Variants in NLGN1 observed in about 807,000 individuals in gnomAD.
NLGN1 encodes the protein neuroligin-1.
In NLGN1, 12 loss-of-function variants were observed where a neutral mutation model predicts 65.5. The ratio of observed to expected loss-of-function variants is 0.18; its 90% CI spans 0.12 to 0.30. The LOEUF (loss-of-function observed/expected upper bound fraction) is 0.30. NLGN1 is among the 10% of genes least tolerant of loss of function. The pLI is 1.00. For synonymous variants in NLGN1, 350 were observed against 359.5 expected (o/e 0.97, Z 0.30); for missense variants, 750 against 1,007.1 (o/e 0.74, Z 3.46).
chr3:174,040,821 CATT>C (rs1274966475), intron 4 of NLGN1, among the ~76,000 whole-genome samples: 1 of 152,022 alleles, frequency 6.6e-6, no homozygotes, highest in Non-Finnish European at 1.5e-5. Context: ...TAGATTCTAT[CATT>C]AACATTTTAT....
intron 4 of NLGN1, among the ~76,000 whole-genome samples, chr3:174,116,034 A>G (rs1055998249): frequency 5.3e-5 from 8 of 152,196 alleles, no homozygotes; most frequent in African/African-American, 1.9e-4. Flanking sequence ...GAGAATATTA[A>G]AACACTGGGA....
chr3:174,114,040 C>T (rs1288420356), intron 4 of NLGN1, among the ~76,000 whole-genome samples: 1 of 152,092 alleles, frequency 6.6e-6, no homozygotes, highest in African/African-American at 2.4e-5. Context: ...ACTTTATTTT[C>T]CCCTCCTTTA....
intron 4 of NLGN1, among the ~76,000 whole-genome samples, chr3:174,191,498 GGAGATCA>G (rs1732385586): frequency 6.6e-6 from 1 of 152,122 alleles, no homozygotes; most frequent in African/African-American, 2.4e-5. Context: ...GTCTCTTAAC[GGAGATCA>G]AAGAATGAAG....
intron 3 of NLGN1, among the ~76,000 whole-genome samples, chr3:173,740,819 C>T (rs945742824): frequency 3.3e-5 from 5 of 151,884 alleles, no homozygotes; most frequent in Middle Eastern, 3.2e-3. Flanking sequence ...AAATTGTTCT[C>T]GAAAACTAGA....
At chr3:173,717,530 TAGGTTAAA>T (rs1314901905) in intron 3 of NLGN1, among the ~76,000 whole-genome samples, 1 of 152,172 alleles carries the variant, frequency 6.6e-6, no homozygotes, top group African/African-American at 2.4e-5. Flanking sequence ...CCTGTGCTTG[TAGGTTAAA>T]AGTAGAGCAA....
At chr3:173,602,648 G>T (rs965083546) in intron 2 of NLGN1, among the ~76,000 whole-genome samples, 2 of 152,034 alleles carry the variant, frequency 1.3e-5, no homozygotes, top group Admixed American at 6.6e-5. Context: ...TTTGGAAATT[G>T]CTGTAGAGTA....
intron 3 of NLGN1, among the ~76,000 whole-genome samples, chr3:173,723,533 G>A (rs1204624424): frequency 2.0e-5 from 3 of 152,232 alleles, no homozygotes; most frequent in South Asian, 4.1e-4. Context: ...ATTCAAATGT[G>A]TAGTCCCAAT....
chr3:173,737,707 C>T (rs146685313), intron 3 of NLGN1, among the ~76,000 whole-genome samples: 2 of 152,122 alleles, frequency 1.3e-5, no homozygotes, highest in Admixed American at 1.3e-4. Context: ...AACTCATGCT[C>T]CTACGAACAT....
chr3:173,745,730 T>C (rs1218508191), intron 3 of NLGN1, among the ~76,000 whole-genome samples: 1 of 152,112 alleles, frequency 6.6e-6, no homozygotes, highest in Non-Finnish European at 1.5e-5. Flanking sequence ...GGATGCAATA[T>C]GCCATGGCTA....
At chr3:173,841,905 AAGG>A (rs1458600777) in intron 4 of NLGN1, among the ~76,000 whole-genome samples, 20 of 152,202 alleles carry the variant, frequency 1.3e-4, no homozygotes, top group African/African-American at 4.6e-4. Flanking sequence ...AGTATCTCAA[AAGG>A]TTAAGAAATA....
chr3:174,211,889 C>G (rs972135670), intron 4 of NLGN1, among the ~76,000 whole-genome samples: 2 of 151,960 alleles, frequency 1.3e-5, no homozygotes, highest in African/African-American at 4.8e-5. Context: ...CCACCAGACT[C>G]AGGAGCCCAG....
rs141858463 is a variant in NLGN1 at position 174,183,159 on chromosome 3, C to T, written c.647-92156C>T. On this transcript the variant is annotated intron_variant, in intron 4 of 6. Coordinates refer to ENST00000457714, the Ensembl canonical transcript of NLGN1. ...GCCATTGCCTGTGCCTGGCACCTCC[C>T]GTCCCCATTGTCTACTAGGCAACAG... Among the ~76,000 whole-genome samples the T allele has an allele frequency of 3.6e-3, 547 of 152,136 alleles. 2 individuals carry two copies. Among genetic ancestry groups the T allele is most frequent in the African/African-American group, 0.012 (518 of 41,536 alleles).
intron 4 of NLGN1, among the ~76,000 whole-genome samples, chr3:173,995,615 C>T (rs1271672395): frequency 1.3e-5 from 2 of 151,722 alleles, no homozygotes; most frequent in African/African-American, 2.4e-5. Context: ...CTCCAAAATG[C>T]CCCAATTAGT....
At chr3:173,599,809 A>T (rs1750126757) in intron 2 of NLGN1, among the ~76,000 whole-genome samples, 1 of 152,110 alleles carries the variant, frequency 6.6e-6, no homozygotes, top group Non-Finnish European at 1.5e-5. Context: ...TAAAATCAAC[A>T]CTTACAGCAC....
intron 4 of NLGN1, among the ~76,000 whole-genome samples, chr3:173,809,604 C>A (rs1274629402): frequency 1.3e-5 from 2 of 151,970 alleles, no homozygotes; most frequent in African/African-American, 2.4e-5. Flanking sequence ...AGTTTTTTTG[C>A]CTCTTTCTGT....
At chr3:173,735,820 C>G (rs1003050159) in intron 3 of NLGN1, among the ~76,000 whole-genome samples, 2 of 152,078 alleles carry the variant, frequency 1.3e-5, no homozygotes, top group African/African-American at 4.8e-5. Flanking sequence ...GGACTGGTGA[C>G]ATTCACATAA....
rs114264862 is a variant in NLGN1, at chr3:174,039,968, C to T, written c.646+232136C>T. Among the ~76,000 whole-genome samples, 400 of 152,230 alleles carry T rather than the reference C, an allele frequency of 2.6e-3. 1 individual carries two copies. Among genetic ancestry groups the T allele is most frequent in the African/African-American group, 9.2e-3 (381 of 41,554 alleles). On this transcript the variant is annotated intron_variant, in intron 4 of 6. Transcript: ENST00000457714. ...TGATAAGCCCAGAATGGAAATAAGGCCAACCCTCTGATGCTCCAACCACCT... is the reference window on the plus strand; with the variant it reads ...TGATAAGCCCAGAATGGAAATAAGGTCAACCCTCTGATGCTCCAACCACCT...
chr3:174,021,563 A>G (rs1277170134), intron 4 of NLGN1, among the ~76,000 whole-genome samples: 2 of 152,180 alleles, frequency 1.3e-5, no homozygotes, highest in Non-Finnish European at 2.9e-5. Context: ...ATGAAACACA[A>G]TAATCTTGGA....
chr3:173,636,856 A>T (rs955134532), intron 3 of NLGN1, among the ~76,000 whole-genome samples: 19 of 152,190 alleles, frequency 1.2e-4, no homozygotes, highest in African/African-American at 3.9e-4. Flanking sequence ...GAAATTAAAC[A>T]TAAAGAATTA....
Sources: allele counts gnomAD v4.1 joint callset (sites outside exome capture counted in the v4.1 genomes callset), GRCh38; gene constraint gnomAD v4.1.1; transcripts MANE v1.5; gene names NCBI Gene and HGNC (gene_info 2026-07-23, HGNC 2026-07-21).